TMEM178B: variants seen among roughly 807,000 people sequenced by gnomAD.
TMEM178B encodes transmembrane protein 178B.
TMEM178B carries 5 observed loss-of-function variants against 31.0 expected under a neutral mutation model. The ratio of observed to expected loss-of-function variants is 0.16; its 90% CI spans 0.08 to 0.34. The LOEUF is 0.34. TMEM178B is among the 10% of genes least tolerant of loss of function. TMEM178B has a pLI of 1.00. For missense variants in TMEM178B, 275 were observed against 400.3 expected (o/e 0.69, Z 2.67); for synonymous variants, 164 against 164.0 (o/e 1.00, Z 0.00).
chr7:141,270,785 C>G (rs116328812), intron 2 of TMEM178B, among the ~76,000 whole-genome samples: 4,701 of 152,308 alleles, frequency 0.031, 240 homozygotes, highest in African/African-American at 0.11. Context: ...CGTTATCTCT[C>G]TAGTATCAGA....
intron 2 of TMEM178B, among the ~76,000 whole-genome samples, chr7:141,254,693 C>T (rs1186849620): frequency 6.6e-6 from 1 of 152,128 alleles, no homozygotes; most frequent in Non-Finnish European, 1.5e-5. Context: ...TTCACTCCAG[C>T]CTGGGGGACA....
intron 1 of TMEM178B, among the ~76,000 whole-genome samples, chr7:141,107,006 G>A (rs964249303): frequency 3.3e-5 from 5 of 152,184 alleles, no homozygotes; most frequent in Non-Finnish European, 7.4e-5. Context: ...TGGGGTGTTG[G>A]TTTGCAATTT....
At chr7:141,290,690 C>A (rs896832977) in intron 2 of TMEM178B, among the ~76,000 whole-genome samples, 27 of 152,226 alleles carry the variant, frequency 1.8e-4, no homozygotes, top group African/African-American at 6.0e-4. Context: ...TCACATCACC[C>A]CACCCACAAG....
chr7:141,401,877 G>A (rs779957861), intron 2 of TMEM178B, among the ~76,000 whole-genome samples: 4 of 152,096 alleles, frequency 2.6e-5, no homozygotes, highest in Non-Finnish European at 5.9e-5. Context: ...TCGAACCAAC[G>A]TGCACTCCCC....
At chr7:141,215,790 CTTTCTTTCTT>C (rs1443669995) in intron 2 of TMEM178B, among the ~76,000 whole-genome samples, 5 of 60,644 alleles carry the variant, frequency 8.2e-5, no homozygotes, top group Admixed American at 2.1e-4. Flanking sequence ...TTCTTTCTTT[CTTTCTTTCTT>C]TCTTTCTTTC....
At chr7:141,168,214 G>C (rs762945874) in intron 1 of TMEM178B, among the ~76,000 whole-genome samples, 21 of 152,096 alleles carry the variant, frequency 1.4e-4, no homozygotes, top group African/African-American at 3.6e-4. Flanking sequence ...AAAGATCTCT[G>C]ATATTTCATG....
chr7:141,498,389 C>T, the TMEM178B span, among the ~76,000 whole-genome samples: 1 of 152,196 alleles, frequency 6.6e-6, no homozygotes, highest in Middle Eastern at 3.2e-3. Flanking sequence ...CTGTGGCCTT[C>T]ACCTCTAATT....
chr7:141,405,419 G>A (rs2116625880), intron 2 of TMEM178B, among the ~76,000 whole-genome samples: 2 of 152,374 alleles, frequency 1.3e-5, no homozygotes, highest in Middle Eastern at 6.8e-3. Flanking sequence ...GCTGCCTATG[G>A]AGCTTACCTT....
At chr7:141,193,171 C>T (rs1274181255) in intron 1 of TMEM178B, among the ~76,000 whole-genome samples, 1 of 152,196 alleles carries the variant, frequency 6.6e-6, no homozygotes, top group Admixed American at 6.5e-5. Context: ...CTAAACCATC[C>T]CTGCTCTTGG....
Position 141,212,604 on chromosome 7 carries a change from A to G in TMEM178B, c.396A>G (p.Arg132=). The G allele has an allele frequency of 5.2e-6, 8 of 1,536,058 alleles. No homozygotes were observed. Among genetic ancestry groups the G allele is most frequent in the Non-Finnish European group, 7.0e-6 (8 of 1,146,836 alleles). The change falls in exon 2 of 4, where the codon CGA becomes CGG. Residue 132 remains arginine, a synonymous_variant. Coordinates refer to ENST00000565468, the MANE Select transcript of TMEM178B (RefSeq NM_001195278.2). ...TCTCTTTTCTAGGAGAAATTGAGCG[A>G]TGTACGTACATCAAATACCACTACT... ...AALIRKGEIE[R]CTYIKYHYSS...
chr7:141,239,836 TG>T (rs111734707), intron 2 of TMEM178B, among the ~76,000 whole-genome samples: 38,493 of 152,088 alleles, frequency 0.25, 6,038 homozygotes, highest in Non-Finnish European at 0.36. Flanking sequence ...TCATGACCTG[TG>T]GCAGTGAACC....
At chr7:141,291,380 ATTC>A (rs1263610453) in intron 2 of TMEM178B, among the ~76,000 whole-genome samples, 17 of 152,122 alleles carry the variant, frequency 1.1e-4, no homozygotes, top group Non-Finnish European at 5.9e-5. Context: ...ATCGTCTGTT[ATTC>A]TTAAGTAGGT....
rs1337902891 is a variant in TMEM178B, at chr7:141,217,685, T to TTGATCTGC, written c.496+4992_496+4999dup. Reference sequence around the variant, plus strand: ...ATTAGAAGTGGGTCTTCTTTGCCCCTTGATCTGCTGATCTGCTGGGCAGAG... The same window carrying TTGATCTGC: ...ATTAGAAGTGGGTCTTCTTTGCCCCTTGATCTGCTGATCTGCTGATCTGCTGGGCAGAG... On this transcript the variant is annotated intron_variant, in intron 2 of 3. Transcript: ENST00000565468. 2.6e-5 allele frequency among the ~76,000 whole-genome samples: 4 copies of TTGATCTGC among 152,148 alleles called. 1 individual carries two copies. The highest frequency in any genetic ancestry group is 6.5e-5 in the Admixed American group (1 of 15,288).
At chr7:141,203,719 G>T (rs1796916352) in intron 1 of TMEM178B, among the ~76,000 whole-genome samples, 1 of 152,252 alleles carries the variant, frequency 6.6e-6, no homozygotes, top group South Asian at 2.1e-4. Context: ...TGAAGGCCTG[G>T]AAGCCTCTTT....
chr7:141,362,373 A>G (rs1799930998), intron 2 of TMEM178B, among the ~76,000 whole-genome samples: 1 of 152,226 alleles, frequency 6.6e-6, no homozygotes, highest in Non-Finnish European at 1.5e-5. Flanking sequence ...TTGGCTTTGA[A>G]GTGTACAGAC....
intron 1 of TMEM178B, among the ~76,000 whole-genome samples, chr7:141,189,111 A>G (rs1425462519): frequency 1.3e-5 from 2 of 152,258 alleles, no homozygotes; most frequent in Non-Finnish European, 2.9e-5. Flanking sequence ...GTACCTGGAC[A>G]TCATAAGAGG....
At chr7:141,312,513 T>C (rs2040929) in intron 2 of TMEM178B, among the ~76,000 whole-genome samples, 97,174 of 152,108 alleles carry the variant, frequency 0.64, 31,728 homozygotes, top group Non-Finnish European at 0.7. Flanking sequence ...GGAAATAAAG[T>C]TCTAACCCGT....
Position 141,324,824 on chromosome 7 carries a change from G to A in TMEM178B, c.496+112120G>A, listed in dbSNP as rs575345878. ...ACATTTTTGGTTGGTTGTCTTTGTG[G>A]ATTCTTTGTAACTATGTCCCTTTGC... is the stretch of plus-strand genomic sequence containing the variant. On this transcript the variant is annotated intron_variant, in intron 2 of 3. Coordinates refer to ENST00000565468, the MANE Select transcript of TMEM178B (RefSeq NM_001195278.2). Among the ~76,000 whole-genome samples the A allele has an allele frequency of 6.4e-4, 98 of 152,080 alleles. 1 individual carries two copies. In the South Asian group the frequency reaches 0.019, roughly 29 times the overall value.
At chr7:141,408,828 C>T (rs111599066) in intron 2 of TMEM178B, among the ~76,000 whole-genome samples, 33 of 152,256 alleles carry the variant, frequency 2.2e-4, no homozygotes, top group African/African-American at 7.0e-4. Context: ...GTGTCAACCA[C>T]GCAGAAAGGG....
Sources: allele counts gnomAD v4.1 joint callset (sites outside exome capture counted in the v4.1 genomes callset), GRCh38; gene constraint gnomAD v4.1.1; transcripts MANE v1.5; gene names NCBI Gene and HGNC (gene_info 2026-07-23, HGNC 2026-07-21).